SNX13: variants seen among roughly 807,000 people sequenced by gnomAD.
SNX13 encodes sorting nexin 13, also known as sorting nexin-13.
In SNX13, 45 loss-of-function variants were observed where a neutral mutation model predicts 133.6. The observed-to-expected ratio is 0.34, with a 90% confidence interval of 0.27 to 0.43. The LOEUF (loss-of-function observed/expected upper bound fraction) is 0.43, where lower values mean the gene tolerates loss of function less well. Ranked by LOEUF, SNX13 falls within the 20% of genes least tolerant of loss-of-function variation. SNX13 has a pLI of 1.00. For missense variants in SNX13, 1,032 were observed against 1,145.1 expected (o/e 0.90, Z 1.43); for synonymous variants, 414 against 373.9 (o/e 1.11, Z -1.24).
At chr7:17,935,026 T>A (rs191714476) in intron 1 of SNX13, among the ~76,000 whole-genome samples, 130 of 152,286 alleles carry the variant, frequency 8.5e-4, no homozygotes, top group African/African-American at 3.0e-3. Context: ...CTGGGTATAT[T>A]TCCAAAAAAC....
chr7:17,930,906 T>G (rs1419680619), intron 1 of SNX13, among the ~76,000 whole-genome samples: 1 of 152,150 alleles, frequency 6.6e-6, no homozygotes, highest in African/African-American at 2.4e-5. Context: ...GGTTGCATAT[T>G]CCTTATGAGA....
At chr7:17,903,637 A>C (rs1172611980) in intron 1 of SNX13, among the ~76,000 whole-genome samples, 1 of 152,220 alleles carries the variant, frequency 6.6e-6, no homozygotes, top group Non-Finnish European at 1.5e-5. Flanking sequence ...TTAAACAATA[A>C]AAAAGTTTTT....
At chr7:17,870,737 A>T (rs1322696084) in intron 8 of SNX13, among the ~76,000 whole-genome samples, 1 of 152,228 alleles carries the variant, frequency 6.6e-6, no homozygotes, top group Non-Finnish European at 1.5e-5. Flanking sequence ...GTATATATTT[A>T]TGATAAATAC....
chr7:17,907,355 A>T (rs1203051101), intron 1 of SNX13: 2 of 152,204 alleles, frequency 1.3e-5, no homozygotes, highest in African/African-American at 4.8e-5. Flanking sequence ...TATGCAACAG[A>T]AACAAGTACA....
At chr7:17,917,710 C>A (rs190330428) in intron 1 of SNX13, among the ~76,000 whole-genome samples, 2 of 151,670 alleles carry the variant, frequency 1.3e-5, no homozygotes, top group Non-Finnish European at 2.9e-5. Flanking sequence ...ACTGTTAAAA[C>A]GGCCATAGTG....
chr7:17,800,061 G>A (rs1784452256), intron 22 of SNX13, among the ~76,000 whole-genome samples: 2 of 151,702 alleles, frequency 1.3e-5, no homozygotes, highest in South Asian at 4.1e-4. Context: ...CCAGTAGGGA[G>A]AGGGAGACCC....
At chr7:17,936,422 T>G (rs540219571) in intron 1 of SNX13, among the ~76,000 whole-genome samples, 1 of 152,326 alleles carries the variant, frequency 6.6e-6, no homozygotes, top group South Asian at 2.1e-4. Context: ...TATTTTTATT[T>G]AATAGTCACT....
chr7:17,801,009 C>CATATATATAT lies in SNX13; in HGVS notation c.2298+569_2298+578dup, dbSNP rs71010273. Among the ~76,000 whole-genome samples the CATATATATAT allele has an allele frequency of 8.7e-4, 105 of 120,108 alleles. 1 individual carries two copies. Among genetic ancestry groups the CATATATATAT allele is most frequent in the South Asian group, 1.4e-3 (6 of 4,164 alleles). The allele number at this position is 120,108 out of a possible 152,430, so 78.8% of individuals were successfully genotyped here. On this transcript the variant is annotated intron_variant, in intron 22 of 25. Coordinates refer to ENST00000428135, the MANE Select transcript of SNX13 (RefSeq NM_015132.5). ...CTTGGCAGTATCTACTAAAACTGAACATATATATATATATATATATATATA... is the reference window on the plus strand; with the variant it reads ...CTTGGCAGTATCTACTAAAACTGAACATATATATATATATATATATATATATATATATATA...
Position 17,816,296 on chromosome 7 carries a change from G to A in SNX13, c.1846-7C>T. The A allele has an allele frequency of 6.5e-7, 1 of 1,533,856 alleles. No homozygotes were observed. The highest frequency in any genetic ancestry group is 2.5e-5 in the East Asian group (1 of 40,588). ...TGCTTGAGAGACTTTCAAACTGTAA[G>A]ACAAAATACATTCAATAGCACTTTT... On this transcript the variant is annotated splice_polypyrimidine_tract_variant and splice_region_variant and intron_variant, in intron 18 of 25. Coordinates refer to ENST00000428135, the MANE Select transcript of SNX13 (RefSeq NM_015132.5).
chr7:17,897,064 A>AT (rs1184035488), intron 2 of SNX13, among the ~76,000 whole-genome samples: 1 of 152,108 alleles, frequency 6.6e-6, no homozygotes, highest in Non-Finnish European at 1.5e-5. Flanking sequence ...AATTTGAAAA[A>AT]TTTTTTAAAC....
At chr7:17,883,195 A>G (rs980577565) in intron 5 of SNX13, among the ~76,000 whole-genome samples, 7 of 152,228 alleles carry the variant, frequency 4.6e-5, no homozygotes, top group African/African-American at 7.2e-5. Flanking sequence ...AGAGATTCCA[A>G]TATCCAGATG....
At chr7:17,808,830 C>A (rs1280992786) in intron 20 of SNX13, among the ~76,000 whole-genome samples, 1 of 152,116 alleles carries the variant, frequency 6.6e-6, no homozygotes, top group African/African-American at 2.4e-5. Context: ...GAATTCTCAA[C>A]CCAGAATTTC....
intron 13 of SNX13, among the ~76,000 whole-genome samples, chr7:17,838,648 C>T (rs1257432751): frequency 6.6e-6 from 1 of 151,838 alleles, no homozygotes; most frequent in African/African-American, 2.4e-5. Context: ...TGAATTGATA[C>T]AATGCATTTT....
intron 16 of SNX13, among the ~76,000 whole-genome samples, chr7:17,828,549 T>C (rs958828420): frequency 3.3e-4 from 50 of 151,776 alleles, no homozygotes; most frequent in African/African-American, 8.9e-4. Flanking sequence ...GTTTAGTACA[T>C]TGGAATAAAC....
In SNX13 at chr7:17,825,039, G is replaced by T. The variant is rs181981133; in HGVS notation, c.1705+983C>A. Among the ~76,000 whole-genome samples the T allele has an allele frequency of 2.8e-3, 432 of 152,236 alleles. 12 individuals carry two copies. Among genetic ancestry groups the T allele is most frequent in the Admixed American group, 0.025 (388 of 15,270 alleles). ...TGCCTCAGCCTCCCAAAAGTTCTGG[G>T]ATTACAGGCGTGAGCCACCAAGCCC... On this transcript the variant is annotated intron_variant, in intron 17 of 25. Coordinates refer to ENST00000428135, the MANE Select transcript of SNX13 (RefSeq NM_015132.5).
chr7:17,868,893 G>A (rs577218431), intron 8 of SNX13, among the ~76,000 whole-genome samples: 1 of 152,164 alleles, frequency 6.6e-6, no homozygotes, highest in African/African-American at 2.4e-5. Flanking sequence ...ACCAAGGGAG[G>A]AAACGGCAAC....
chr7:17,803,201 C>T lies in SNX13; in HGVS notation c.2226+218G>A, dbSNP rs575157362. Among the ~76,000 whole-genome samples the T allele has an allele frequency of 2.6e-5, 4 of 151,994 alleles. No homozygotes were observed. In the South Asian group the frequency reaches 8.3e-4, roughly 32 times the overall value. On this transcript the variant is annotated intron_variant, in intron 21 of 25. Transcript: ENST00000428135. ...TTTTGTTTTAAATGAATTTTAAAACCCTACCACAGCAGAGACTAACAAGCA... is the reference window on the plus strand; with the variant it reads ...TTTTGTTTTAAATGAATTTTAAAACTCTACCACAGCAGAGACTAACAAGCA...
chr7:17,898,397 A>C (rs892795428), intron 1 of SNX13: 1 of 152,220 alleles, frequency 6.6e-6, no homozygotes, highest in Non-Finnish European at 1.5e-5. Context: ...AAAAAACTAC[A>C]GAACAGACAG....
chr7:17,920,264 A>C (rs1421676476), intron 1 of SNX13, among the ~76,000 whole-genome samples: 1 of 152,206 alleles, frequency 6.6e-6, no homozygotes, highest in Non-Finnish European at 1.5e-5. Context: ...ATTATGTGAA[A>C]GTCTTGTTTT....
Sources: gnomAD v4.1 joint callset for allele counts (sites outside exome capture counted in the v4.1 genomes callset) on GRCh38, gnomAD v4.1.1 for gene constraint, MANE v1.5 for transcripts, NCBI Gene and HGNC (gene_info 2026-07-23, HGNC 2026-07-21) for gene names.